Variants in PNP observed in about 807,000 individuals in gnomAD.
PNP encodes HEL-S-156an.
A neutral mutation model predicts 26.8 loss-of-function variants in PNP; 18 were observed. The observed-to-expected ratio is 0.67, with a 90% CI of 0.46 to 1.00. The LOEUF (loss-of-function observed/expected upper bound fraction) is 1.00. Ranked by LOEUF, PNP falls within the 50% of genes least tolerant of loss-of-function variation. The probability of loss-of-function intolerance (pLI) is 0.00; values close to 1 mark genes in which losing one functional copy is unlikely to be tolerated. For missense variants in PNP, 320 were observed against 362.9 expected (o/e 0.88, Z 0.96); for synonymous variants, 116 against 124.8 (o/e 0.93, Z 0.47).
rs1373843670 is a variant in PNP, at chr14:20,472,324, T to G, written c.28T>G (p.Tyr10Asp). 1 of 1,613,874 alleles carries G rather than the reference T, an allele frequency of 6.2e-7. No homozygotes were observed. Among genetic ancestry groups the G allele is most frequent in the Admixed American group, 1.7e-5 (1 of 60,024 alleles). The stretch of plus-strand genomic sequence containing the variant: ...CTCCCCCAGATACACCTATGAAGAT[T>G]ATAAGAACACTGCAGAATGGCTTCT... MENGYTYED[Y>D]KNTAEWLLSH... The change falls in exon 2 of 6, where the codon TAT becomes GAT. Residue 10 changes from tyrosine (Y) to aspartate (D), a missense_variant. By Grantham distance (160) the Tyr-to-Asp change is radical. Coordinates refer to ENST00000361505, the MANE Select transcript of PNP (RefSeq NM_000270.4).
rs151283499 is a variant in PNP, at chr14:20,476,814, C to G, written c.*213C>G. 919 of 593,062 alleles carry G rather than the reference C, an allele frequency of 1.5e-3. 3 individuals are homozygous for G. The highest frequency in any genetic ancestry group is 0.014 in the African/African-American group (770 of 53,970). The allele number at this position is 593,062 out of a possible 1,614,324, so 36.7% of individuals were successfully genotyped here. On this transcript the variant is annotated 3_prime_UTR_variant, in exon 6 of 6. Transcript: ENST00000361505. ...ATTACAGGTGTGAGCATAGTGAGAC[C>G]TTGGCGCTACAAAATAAAGCTGTTC...
chr14:20,475,164 G>A lies in PNP; in HGVS notation c.564G>A (p.Gln188=), dbSNP rs1361964830. 1.9e-6 allele frequency: 3 copies of A among 1,614,084 alleles called. No individual in the cohort carries two copies. In the Admixed American group the frequency reaches 5.0e-5, roughly 27 times the overall value. Residue 188 remains glutamine (Q), a synonymous_variant, in exon 5 of 6, where the codon CAG becomes CAA. Transcript: ENST00000361505. Reference sequence around the variant, plus strand: ...AAATGGGGGAGCAACGTGAGCTACAGGAAGGCACCTATGTGATGGTGGCAG... The same window carrying A: ...AAATGGGGGAGCAACGTGAGCTACAAGAAGGCACCTATGTGATGGTGGCAG... ...WKQMGEQREL[Q]EGTYVMVAGP...
chr14:20,475,631 T>C (rs1882088978), intron 5 of PNP, among the ~76,000 whole-genome samples: 1 of 152,124 alleles, frequency 6.6e-6, no homozygotes, highest in Non-Finnish European at 1.5e-5. Context: ...ATTACAGACG[T>C]GTGCCACCAC....
intron 5 of PNP, among the ~76,000 whole-genome samples, chr14:20,475,729 G>A (rs891499821): frequency 2.0e-5 from 3 of 152,014 alleles, no homozygotes; most frequent in East Asian, 1.9e-4. Flanking sequence ...CAGGTAATCC[G>A]CCCATCTTGG....
chr14:20,473,819 C>A (rs1340826340), intron 2 of PNP: 1 of 152,414 alleles, frequency 6.6e-6, no homozygotes, highest in Non-Finnish European at 1.5e-5. Context: ...CTGTCTTGGG[C>A]TCCCGAAGTG....
At position 20,469,503 on chromosome 14, in the gene PNP, T is replaced by A. The variant is rs749114390; in HGVS notation, c.-22T>A. 6.4e-7 allele frequency: 1 copy of A among 1,550,566 alleles called. No individual in the cohort carries two copies. Among genetic ancestry groups the A allele is most frequent in the Non-Finnish European group, 8.7e-7 (1 of 1,147,440 alleles). On this transcript the variant is annotated 5_prime_UTR_variant, in exon 1 of 6. Transcript: ENST00000361505. The stretch of plus-strand genomic sequence containing the variant: ...ATCGGAGCACACCGGAGCAGGCTCA[T>A]CGAGAAGGCGTCTGCGAGACCATGG...
rs371703984 is a variant in PNP at position 20,469,901 on chromosome 14, AC to A, written c.11+371del. The A allele has an allele frequency of 2.9e-4, 127 of 442,508 alleles. 2 individuals are homozygous for A. The highest frequency in any genetic ancestry group is 2.3e-3 in the African/African-American group (116 of 51,006). The allele number at this position is 442,508 out of a possible 1,614,324, so 27.4% of individuals were successfully genotyped here. On this transcript the variant is annotated intron_variant, in intron 1 of 5. Transcript: ENST00000361505. ...CTCCATACCAGGAGGAGGTCTCCTC[AC>A]CCCCTGCGCTCTTCATAAATTCCCA...
chr14:20,471,762 A>C (rs1442500054), intron 1 of PNP, among the ~76,000 whole-genome samples: 2 of 152,174 alleles, frequency 1.3e-5, no homozygotes, highest in African/African-American at 4.8e-5. Flanking sequence ...ATTTGAGTTT[A>C]TCTCTGCCTT....
rs1194453129 is a variant in PNP, at chr14:20,472,435, A to G, written c.139A>G (p.Ile47Val). ...GACTGATAAATTAACTCAGGCCCAG[A>G]TCTTTGACTACGGTGAAATCCCCAA... is the stretch of plus-strand genomic sequence containing the variant. ...GLTDKLTQAQ[I>V]FDYGEIPNFP... The change falls in exon 2 of 6, where the codon ATC becomes GTC. Residue 47 changes from isoleucine (I) to valine (V), a missense_variant. Physicochemically the swap from Ile to Val is conservative, Grantham distance 29. Transcript: ENST00000361505. 6.2e-7 allele frequency: 1 copy of G among 1,614,126 alleles called. No individual in the cohort carries two copies. Among genetic ancestry groups the G allele is most frequent in the Non-Finnish European group, 8.5e-7 (1 of 1,179,952 alleles).
At position 20,474,844 on chromosome 14, in the gene PNP, G is replaced by A; in HGVS notation, c.357G>A (p.Gly119=). Residue 119 remains glycine (G), a synonymous_variant, in exon 4 of 6, where the codon GGG becomes GGA. Coordinates refer to ENST00000361505, the MANE Select transcript of PNP (RefSeq NM_000270.4). ...DTLVVTNAAG[G]LNPKFEVGDI... ...TGGTAGTCACCAATGCAGCAGGAGG[G>A]CTGAACCCCAAGTTTGAGGTTGGAG... 3 of 1,614,132 alleles carry A rather than the reference G, an allele frequency of 1.9e-6. No homozygotes were observed. The highest frequency in any genetic ancestry group is 1.7e-6 in the Non-Finnish European group (2 of 1,179,990).
At chr14:20,476,250 G>T in intron 5 of PNP, 134 bp from the exon 6 acceptor site, 2 of 770,412 alleles carry the variant, frequency 2.6e-6, no homozygotes, top group Non-Finnish European at 4.5e-6. Flanking sequence ...GGGATTACAG[G>T]TGTGAACCAC....
rs374725445 is a variant in PNP, at chr14:20,474,629, C to T, written c.285+54C>T. The T allele has an allele frequency of 1.3e-5, 20 of 1,564,648 alleles. No individual in the cohort carries two copies. In the African/African-American group the frequency reaches 1.8e-4, roughly 14 times the overall value. ...TCTGGAAGAGGCAGGAGAGAACTAT[C>T]TAGCCTCTTTCACTACCTAGCTATC... On this transcript the variant is annotated intron_variant, in intron 3 of 5. Transcript: ENST00000361505.
At position 20,474,759 on chromosome 14, in the gene PNP, T is replaced by C. The variant is rs2139337885; in HGVS notation, c.286-14T>C. ...GAAATTTTGTAAATTTTTTTCGGAT[T>C]GTTTGCTTCGAAGGTGACATTCCCA... On this transcript the variant is annotated splice_polypyrimidine_tract_variant and intron_variant, in intron 3 of 5. Transcript: ENST00000361505. The C allele has an allele frequency of 6.2e-7, 1 of 1,613,436 alleles. No homozygotes were observed. The highest frequency in any genetic ancestry group is 8.5e-7 in the Non-Finnish European group (1 of 1,179,614).
chr14:20,472,454 T>C lies in PNP; in HGVS notation c.158T>C (p.Ile53Thr). Residue 53 changes from isoleucine (I) to threonine (T), a missense_variant, in exon 2 of 6, where the codon ATC becomes ACC. By Grantham distance (89) the Ile-to-Thr change is moderately conservative. Coordinates refer to ENST00000361505, the MANE Select transcript of PNP (RefSeq NM_000270.4). ...TQAQIFDYGE[I>T]PNFPRSTVPG... is the part of the protein sequence containing the mutation. ...GCCCAGATCTTTGACTACGGTGAAA[T>C]CCCCAACTTTCCCCGAAGTACAGGT... 1 of 1,614,000 alleles carries C rather than the reference T, an allele frequency of 6.2e-7. No individual in the cohort carries two copies. Among genetic ancestry groups the C allele is most frequent in the Non-Finnish European group, 8.5e-7 (1 of 1,179,872 alleles).
intron 1 of PNP, among the ~76,000 whole-genome samples, chr14:20,470,161 C>G (rs1039881379): frequency 2.1e-4 from 32 of 152,326 alleles, no homozygotes; most frequent in African/African-American, 7.5e-4. Context: ...AAACTCTTCT[C>G]TCGGCTTGGG....
intron 2 of PNP, chr14:20,473,931 G>C (rs73569416): frequency 6.2e-6 from 1 of 162,414 alleles, no homozygotes; most frequent in East Asian, 1.8e-4. Flanking sequence ...GATATACTGC[G>C]TGGTGGTGAC....
intron 5 of PNP, 113 bp downstream of exon 5, chr14:20,475,365 G>T: frequency 2.2e-6 from 2 of 912,588 alleles, no homozygotes; most frequent in Non-Finnish European, 3.3e-6. Context: ...TGATTTCAGG[G>T]AAGGGTGAAT....
At position 20,475,072 on chromosome 14, in the gene PNP, C is replaced by T. The variant is rs769652649; in HGVS notation, c.472C>T (p.Arg158Cys). ...CAACCTGTGTCCTAGGTTTGGAGAT[C>T]GTTTCCCTGCCATGTCTGATGCCTA... ...RGPNDERFGD[R>C]FPAMSDAYDR... Residue 158 changes from arginine (R) to cysteine (C), a missense_variant, in exon 5 of 6, where the codon CGT becomes TGT. Coordinates refer to ENST00000361505, the MANE Select transcript of PNP (RefSeq NM_000270.4). 18 of 1,614,054 alleles carry T rather than the reference C, an allele frequency of 1.1e-5. No homozygotes were observed. The South Asian group carries it at 1.5e-4, about 14-fold the overall frequency.
rs778978144 is a variant in PNP, at chr14:20,474,769, G to A, written c.286-4G>A. The stretch of plus-strand genomic sequence containing the variant: ...AAATTTTTTTCGGATTGTTTGCTTC[G>A]AAGGTGACATTCCCAGTGAGGGTTT... On this transcript the variant is annotated splice_region_variant and splice_polypyrimidine_tract_variant and intron_variant, in intron 3 of 5. Coordinates refer to ENST00000361505, the MANE Select transcript of PNP (RefSeq NM_000270.4). 1.8e-5 allele frequency: 29 copies of A among 1,613,642 alleles called. No homozygotes were observed. Among genetic ancestry groups the A allele is most frequent in the African/African-American group, 5.3e-5 (4 of 74,862 alleles).
Sources: allele counts gnomAD v4.1 joint callset (sites outside exome capture counted in the v4.1 genomes callset), GRCh38; gene constraint gnomAD v4.1.1; transcripts MANE v1.5; gene names NCBI Gene and HGNC (gene_info 2026-07-23, HGNC 2026-07-21).